MAP4: variants seen among roughly 807,000 people sequenced by gnomAD.
MAP4 encodes the protein microtubule-associated protein 4.
A neutral mutation model predicts 170.2 loss-of-function variants in MAP4; 76 were observed. That is an observed-to-expected ratio of 0.45 (90% CI 0.37 to 0.54). The LOEUF (loss-of-function observed/expected upper bound fraction) is 0.54. Ranked by LOEUF, MAP4 falls within the 20% of genes least tolerant of loss-of-function variation. The probability of loss-of-function intolerance (pLI) is 0.00; values close to 1 mark genes in which losing one functional copy is unlikely to be tolerated. For synonymous variants in MAP4, 909 were observed against 994.5 expected (o/e 0.91, Z 1.62); for missense variants, 2,506 against 2,748.0 (o/e 0.91, Z 1.97).
chr3:47,853,258 G>A lies in MAP4; in HGVS notation c.6791C>T (p.Pro2264Leu), dbSNP rs2047013997. Residue 2264 changes from proline to leucine, a missense_variant, in exon 20 of 21, where the codon CCC (proline) becomes CTC (leucine). Around this residue, in one of 3 missense-constraint regions of MAP4, gnomAD observed 487 missense variants for 511.6 expected, o/e 0.95. Coordinates refer to ENST00000683076, the MANE Select transcript of MAP4 (RefSeq NM_001385682.1). ...ISEAAPEAGA[P>L]TSASGLNGHP... ...GCCATTGAGGCCACTGGCTGAAGTG[G>A]GGGCGCCAGCTTCAGGCGCTGCCTC... The A allele has an allele frequency of 1.9e-6, 3 of 1,594,522 alleles. No individual in the cohort carries two copies. The highest frequency in any genetic ancestry group is 4.5e-5 in the East Asian group (2 of 44,612).
rs2100036044 is a variant in MAP4, at chr3:47,911,702, G to C, written c.2719C>G (p.Pro907Ala). The change falls in exon 9 of 21, where the codon CCC becomes GCC. Residue 907 changes from proline to alanine, a missense_variant. Physicochemically the swap from Pro to Ala is conservative, Grantham distance 27. Transcript: ENST00000683076. This position sits in a 1 kb window ranked among gnomAD's most constrained non-coding sequence, Gnocchi z 4.0. Reference sequence around the variant, plus strand: ...TTATCTACAGGAGTCTTCAGGTGGGGTGCAGGCTGTGGTTTGTATTCATGT... The same window carrying C: ...TTATCTACAGGAGTCTTCAGGTGGGCTGCAGGCTGTGGTTTGTATTCATGT... ...KQHEYKPQPA[P>A]HLKTPVDKSQ... 1 of 1,536,032 alleles carries C rather than the reference G, an allele frequency of 6.5e-7. No homozygotes were observed. Among genetic ancestry groups the C allele is most frequent in the Non-Finnish European group, 8.7e-7 (1 of 1,146,904 alleles).
intron 2 of MAP4, among the ~76,000 whole-genome samples, chr3:47,993,262 T>A (rs1188674887): frequency 1.3e-5 from 2 of 152,178 alleles, no homozygotes; most frequent in Non-Finnish European, 2.9e-5. Flanking sequence ...AGTTCAAGGC[T>A]GTAGTGTGCT....
chr3:48,035,914 T>C (rs377250970), intron 1 of MAP4, among the ~76,000 whole-genome samples: 71 of 152,218 alleles, frequency 4.7e-4, no homozygotes, highest in African/African-American at 1.7e-3. Flanking sequence ...CATTCCAGCC[T>C]GGGCGACAGA....
chr3:48,087,705 G>A (rs539077857), intron 1 of MAP4, among the ~76,000 whole-genome samples: 81 of 150,608 alleles, frequency 5.4e-4, no homozygotes, highest in African/African-American at 1.6e-3. Flanking sequence ...GCGCGCGCGC[G>A]CACACACACA....
intron 3 of MAP4, among the ~76,000 whole-genome samples, chr3:47,947,363 A>C (rs1434963119): frequency 6.6e-6 from 1 of 152,180 alleles, no homozygotes; most frequent in African/African-American, 2.4e-5. Flanking sequence ...AAGGCAGCAG[A>C]GCCACATTCA....
At chr3:47,881,457 T>TATATAC (rs2096713344) in intron 10 of MAP4, among the ~76,000 whole-genome samples, 1 of 25,482 alleles carries the variant, frequency 3.9e-5, no homozygotes, top group Non-Finnish European at 7.5e-5. Context: ...TATATATATA[T>TATATAC]ATATATATAT....
intron 1 of MAP4, among the ~76,000 whole-genome samples, chr3:48,004,539 A>C (rs1030596916): frequency 1.4e-4 from 21 of 152,222 alleles, no homozygotes; most frequent in African/African-American, 4.6e-4. Context: ...CAAATCTGCT[A>C]AGATTGCCCT....
At chr3:47,955,439 C>CACGT (rs2100067190) in intron 3 of MAP4, among the ~76,000 whole-genome samples, 1 of 60,050 alleles carries the variant, frequency 1.7e-5, no homozygotes, top group Non-Finnish European at 4.1e-5. Context: ...AGCACGTACA[C>CACGT]ACACACACAC....
chr3:47,932,711 G>T (rs1037279408), intron 3 of MAP4, among the ~76,000 whole-genome samples: 2 of 152,158 alleles, frequency 1.3e-5, no homozygotes, highest in African/African-American at 4.8e-5. Context: ...TCTGGCATTT[G>T]TATGTTTTCT....
chr3:48,075,595 T>G (rs939214419), intron 1 of MAP4, among the ~76,000 whole-genome samples: 3 of 151,862 alleles, frequency 2.0e-5, no homozygotes, highest in African/African-American at 7.3e-5. Flanking sequence ...GATGCTAAGA[T>G]GATACACAAT....
chr3:47,871,677 T>C (rs1376383710), intron 13 of MAP4, among the ~76,000 whole-genome samples: 1 of 152,194 alleles, frequency 6.6e-6, no homozygotes, highest in Admixed American at 6.5e-5. Flanking sequence ...GAGCAGTACA[T>C]TTTTCTGCCT....
chr3:48,086,571 A>G (rs2100149178), intron 1 of MAP4, among the ~76,000 whole-genome samples: 1 of 152,146 alleles, frequency 6.6e-6, no homozygotes, highest in Admixed American at 6.5e-5. Flanking sequence ...CTCCGGAGGT[A>G]GAGTCTGCAG....
chr3:48,083,708 A>C (rs2100147727), intron 1 of MAP4, among the ~76,000 whole-genome samples: 2 of 150,526 alleles, frequency 1.3e-5, no homozygotes, highest in South Asian at 4.2e-4. Flanking sequence ...AAACTAATAA[A>C]ATATTAGTTT....
chr3:48,042,435 T>G (rs889194303), intron 1 of MAP4, among the ~76,000 whole-genome samples: 14 of 152,180 alleles, frequency 9.2e-5, no homozygotes, highest in African/African-American at 3.1e-4. Context: ...CTCTGGCAAC[T>G]TAATAATAAA....
At chr3:48,023,539 T>C (rs1366553138) in intron 1 of MAP4, among the ~76,000 whole-genome samples, 1 of 152,200 alleles carries the variant, frequency 6.6e-6, no homozygotes, top group Admixed American at 6.5e-5. Flanking sequence ...AAAGAGAACT[T>C]TGCCTGCTCA....
At chr3:47,995,695 A>G (rs1214620153) in intron 2 of MAP4, among the ~76,000 whole-genome samples, 2 of 152,154 alleles carry the variant, frequency 1.3e-5, no homozygotes, top group Admixed American at 1.3e-4. Flanking sequence ...GAAAGCCAAA[A>G]GCAACGTCAC....
chr3:47,973,324 G>A, intron 3 of MAP4: 1 of 985,232 alleles, frequency 1.0e-6, no homozygotes, highest in Non-Finnish European at 1.2e-6. Flanking sequence ...TTTCAACAAA[G>A]CAGCCCTGAC....
intron 3 of MAP4, among the ~76,000 whole-genome samples, chr3:47,939,602 G>A (rs1381311384): frequency 6.6e-6 from 1 of 151,160 alleles, no homozygotes; most frequent in Non-Finnish European, 1.5e-5. Context: ...AAAAGCATAA[G>A]GAATTCCAAA....
intron 1 of MAP4, among the ~76,000 whole-genome samples, chr3:48,039,737 A>G (rs958714708): frequency 1.3e-5 from 2 of 152,210 alleles, no homozygotes; most frequent in African/African-American, 4.8e-5. Context: ...ACATGCTTAC[A>G]TAATTTAAGA....
Sources: allele counts gnomAD v4.1 joint callset (sites outside exome capture counted in the v4.1 genomes callset), GRCh38; gene constraint gnomAD v4.1.1; regional missense constraint gnomAD v4.1.1; non-coding constraint Gnocchi (gnomAD v3.1); transcripts MANE v1.5; gene names NCBI Gene and HGNC (gene_info 2026-07-23, HGNC 2026-07-21).